The following CPXM2 variants were observed in gnomAD, a reference collection of about 807,000 sequenced individuals.
The protein encoded by CPXM2 is carboxypeptidase X, M14 family member 2, also known as inactive carboxypeptidase-like protein X2.
A neutral mutation model predicts 86.1 loss-of-function variants in CPXM2; 66 were observed. The observed-to-expected ratio is 0.77, with a 90% CI of 0.63 to 0.94. CPXM2 has a LOEUF of 0.94. CPXM2 is among the 40% of genes least tolerant of loss of function. The pLI is 0.00. For synonymous variants in CPXM2, 388 were observed against 400.2 expected, an observed-to-expected ratio of 0.97 and a Z score of 0.36; for missense variants, 948 against 1,026.3, an observed-to-expected ratio of 0.92 and a Z score of 1.04.
At chr10:123,893,864 C>A (rs1564816377), upstream of CPXM2, among the ~76,000 whole-genome samples, 1 of 152,230 alleles carries the variant, frequency 6.6e-6, no homozygotes, top group African/African-American at 2.4e-5. Context: ...GCCAGAGGGA[C>A]TGCAGAGGCA....
chr10:123,873,129 T>C (rs896188065), intron 2 of CPXM2, among the ~76,000 whole-genome samples: 1 of 152,202 alleles, frequency 6.6e-6, no homozygotes, highest in Admixed American at 6.5e-5. Context: ...ATTGTCATTA[T>C]TTCATATACA....
chr10:123,825,564 C>T (rs796581057), intron 4 of CPXM2, among the ~76,000 whole-genome samples: 3 of 152,314 alleles, frequency 2.0e-5, no homozygotes, highest in African/African-American at 7.2e-5. Flanking sequence ...TCTCTGGCAT[C>T]ACAGCACTTG....
At chr10:123,869,586 C>T (rs1346861219) in intron 2 of CPXM2, among the ~76,000 whole-genome samples, 2 of 152,198 alleles carry the variant, frequency 1.3e-5, no homozygotes, top group African/African-American at 4.8e-5. Context: ...TCTCTGAGAA[C>T]ACACCACGCT....
intron 6 of CPXM2, among the ~76,000 whole-genome samples, chr10:123,783,792 T>C (rs1846988675): frequency 6.6e-6 from 1 of 152,214 alleles, no homozygotes; most frequent in Non-Finnish European, 1.5e-5. Flanking sequence ...TGATCCAGTC[T>C]ATGGGGGCTT....
intron 3 of CPXM2, 59 bp downstream of exon 3, chr10:123,862,555 C>T: frequency 6.8e-7 from 1 of 1,472,928 alleles, no homozygotes; most frequent in South Asian, 1.1e-5. Context: ...GATCCAAGCT[C>T]AAGGAACCAG....
intron 2 of CPXM2, among the ~76,000 whole-genome samples, chr10:123,874,574 C>A (rs543802531): frequency 6.6e-6 from 1 of 152,278 alleles, no homozygotes; most frequent in South Asian, 2.1e-4. Flanking sequence ...GGTTTAAGTG[C>A]CAATTTTTTT....
At chr10:123,804,162 A>G (rs141690858) in intron 4 of CPXM2, among the ~76,000 whole-genome samples, 22 of 152,302 alleles carry the variant, frequency 1.4e-4, no homozygotes, top group African/African-American at 5.3e-4. Flanking sequence ...GTTTTATAAT[A>G]CATCCTTATA....
chr10:123,771,568 T>G (rs1846632528), intron 7 of CPXM2, among the ~76,000 whole-genome samples: 1 of 152,158 alleles, frequency 6.6e-6, no homozygotes, highest in African/African-American at 2.4e-5. Flanking sequence ...ATCTTGGACA[T>G]TCCCACCTCT....
intron 1 of CPXM2, among the ~76,000 whole-genome samples, chr10:123,881,698 G>A (rs7912361): frequency 0.034 from 5,252 of 152,298 alleles, 134 homozygotes; most frequent in East Asian, 0.11. Context: ...TGAGCTGCCT[G>A]AAGAGGAGAC....
In CPXM2 at chr10:123,803,118, C is replaced by CTTTTTTTTTTTTTTTTTT. The variant is rs532954173; in HGVS notation, c.654-3937_654-3920dup. 2.2e-4 allele frequency among the ~76,000 whole-genome samples: 14 copies of CTTTTTTTTTTTTTTTTTT among 63,638 alleles called. 2 individuals are homozygous for CTTTTTTTTTTTTTTTTTT. Among genetic ancestry groups the CTTTTTTTTTTTTTTTTTT allele is most frequent in the Non-Finnish European group, 3.4e-4 (11 of 32,522 alleles). 41.7% of individuals were successfully genotyped at this position (63,638 alleles called of 152,430 possible). On this transcript the variant is annotated intron_variant, in intron 4 of 13. Coordinates refer to ENST00000241305, the MANE Select transcript of CPXM2 (RefSeq NM_198148.3). ...TCCTTTTCATCCTCTTTGTAGTACC[C>CTTTTTTTTTTTTTTTTTT]TTTTTTTTTTTTTTTTTTTTTTTTT...
intron 2 of CPXM2, among the ~76,000 whole-genome samples, chr10:123,905,150 C>G (rs1305312644): frequency 6.6e-6 from 1 of 152,204 alleles, no homozygotes; most frequent in East Asian, 1.9e-4. Context: ...AGCTATACCC[C>G]CAAGTGAGGC....
At chr10:123,922,122 A>T (rs1377165066) in intron 2 of CPXM2, among the ~76,000 whole-genome samples, 5 of 152,186 alleles carry the variant, frequency 3.3e-5, no homozygotes, top group African/African-American at 1.2e-4. Flanking sequence ...GTTGAGCAGC[A>T]TCCCTGACCT....
rs753218505 is a variant in CPXM2 at position 123,754,187 on chromosome 10, C to T, written c.2017+476G>A. ...TCCTCTCTGGCCAGTCCCAACCCAC[C>T]CCTCCAGCTGTCCTCTTGCTGCTGG... On this transcript the variant is annotated intron_variant, in intron 13 of 13. Coordinates refer to ENST00000241305, the MANE Select transcript of CPXM2 (RefSeq NM_198148.3). This position sits in a 1 kb window ranked among gnomAD's most constrained non-coding sequence, Gnocchi z 4.0. Among the ~76,000 whole-genome samples the T allele has an allele frequency of 7.9e-5, 12 of 152,218 alleles. No individual in the cohort carries two copies. Among genetic ancestry groups the T allele is most frequent in the Admixed American group, 2.6e-4 (4 of 15,284 alleles).
intron 5 of CPXM2, 82 bp downstream of exon 5, chr10:123,799,033 G>C: frequency 6.7e-7 from 1 of 1,491,216 alleles, no homozygotes; most frequent in Non-Finnish European, 9.3e-7. Context: ...AATCTCCAAA[G>C]AGTTGATCAT....
At chr10:123,854,408 A>T (rs1484708782) in intron 3 of CPXM2, among the ~76,000 whole-genome samples, 7 of 122,112 alleles carry the variant, frequency 5.7e-5, no homozygotes, top group African/African-American at 2.0e-4. Flanking sequence ...TATATATATT[A>T]TATATAAAAT....
chr10:123,806,179 T>C (rs959261778), intron 4 of CPXM2, among the ~76,000 whole-genome samples: 12 of 152,194 alleles, frequency 7.9e-5, no homozygotes, highest in African/African-American at 2.9e-4. Flanking sequence ...TAGTACGCTT[T>C]TTCAGTTTTT....
chr10:123,849,386 C>T (rs995090470), intron 3 of CPXM2, among the ~76,000 whole-genome samples: 2 of 151,682 alleles, frequency 1.3e-5, no homozygotes, highest in African/African-American at 4.8e-5. Context: ...CCTCCTTCCC[C>T]TTTATCCCCT....
intron 2 of CPXM2, chr10:123,931,479 A>C (rs1407695539): frequency 6.6e-6 from 1 of 152,222 alleles, no homozygotes. Context: ...TGAGTGTAAC[A>C]GCCCATAACT....
intron 2 of CPXM2, among the ~76,000 whole-genome samples, chr10:123,925,434 T>C (rs9794153): frequency 0.26 from 39,937 of 152,174 alleles, 5,474 homozygotes; most frequent in Middle Eastern, 0.33. Context: ...CAAAACACAT[T>C]GCCGTCTTGA....
Sources: gnomAD v4.1 joint callset for allele counts (sites outside exome capture counted in the v4.1 genomes callset) on GRCh38, gnomAD v4.1.1 for gene constraint, Gnocchi (gnomAD v3.1) non-coding constraint, MANE v1.5 for transcripts, NCBI Gene and HGNC (gene_info 2026-07-23, HGNC 2026-07-21) for gene names.